The following NALF1 variants were observed in gnomAD, a reference collection of about 807,000 sequenced individuals.
NALF1 encodes family with sequence similarity 155 member A.
In NALF1, 3 loss-of-function variants were observed where a neutral mutation model predicts 48.4. The ratio of observed to expected loss-of-function variants is 0.06; its 90% CI spans 0.03 to 0.16. The LOEUF (loss-of-function observed/expected upper bound fraction) is 0.16, where lower values mean the gene tolerates loss of function less well. Ranked by LOEUF, NALF1 falls within the 10% of genes least tolerant of loss-of-function variation. NALF1 has a pLI of 1.00. For synonymous variants in NALF1, 262 were observed against 245.7 expected, an observed-to-expected ratio of 1.07 and a Z score of -0.62; for missense variants, 526 against 571.5, an observed-to-expected ratio of 0.92 and a Z score of 0.81.
rs560743047 is a variant in NALF1, at chr13:107,816,895, A to T, written c.915+48787T>A. ...AAAACAAAACGTAGGTCTGCCAATCAAGCAAATACATTCACAAGTAGCACT... is the reference window on the plus strand; with the variant it reads ...AAAACAAAACGTAGGTCTGCCAATCTAGCAAATACATTCACAAGTAGCACT... On this transcript the variant is annotated intron_variant, in intron 1 of 2. Coordinates refer to ENST00000375915, the MANE Select transcript of NALF1 (RefSeq NM_001080396.3). Among the ~76,000 whole-genome samples, 4 of 152,340 alleles carry T rather than the reference A, an allele frequency of 2.6e-5. No individual in the cohort carries two copies. In the South Asian group the frequency reaches 8.3e-4, roughly 32 times the overall value.
At chr13:107,204,771 A>G (rs757482325) in intron 2 of NALF1, among the ~76,000 whole-genome samples, 16 of 152,070 alleles carry the variant, frequency 1.1e-4, no homozygotes, top group Non-Finnish European at 2.2e-4. Context: ...TTTGCCTTAA[A>G]CTTTGACATA....
chr13:107,673,343 T>C (rs944693005), intron 1 of NALF1, among the ~76,000 whole-genome samples: 1 of 152,136 alleles, frequency 6.6e-6, no homozygotes, highest in Non-Finnish European at 1.5e-5. Flanking sequence ...TAGCCAGGGA[T>C]TGGAGCTTGT....
chr13:107,803,449 A>G (rs1878681966), intron 1 of NALF1, among the ~76,000 whole-genome samples: 1 of 152,166 alleles, frequency 6.6e-6, no homozygotes, highest in Non-Finnish European at 1.5e-5. Flanking sequence ...CCTAACATGG[A>G]TTAAGAACCT....
intron 1 of NALF1, among the ~76,000 whole-genome samples, chr13:107,619,153 C>T (rs933554071): frequency 1.3e-5 from 2 of 152,202 alleles, no homozygotes; most frequent in African/African-American, 4.8e-5. Flanking sequence ...GCCGTGGTGT[C>T]TGGTGAACAC....
At chr13:107,521,664 C>T (rs1005117985) in intron 1 of NALF1, among the ~76,000 whole-genome samples, 2 of 151,952 alleles carry the variant, frequency 1.3e-5, no homozygotes, top group Non-Finnish European at 2.9e-5. Flanking sequence ...ACAGGTATAT[C>T]GTATGTGCTT....
At chr13:107,267,113 C>T (rs998242483) in intron 1 of NALF1, among the ~76,000 whole-genome samples, 1 of 152,234 alleles carries the variant, frequency 6.6e-6, no homozygotes, top group Non-Finnish European at 1.5e-5. Flanking sequence ...GCACTTGGCT[C>T]TTGGCCAAGA....
chr13:107,390,914 C>G (rs140878685), intron 1 of NALF1, among the ~76,000 whole-genome samples: 1 of 126,800 alleles, frequency 7.9e-6, no homozygotes, highest in South Asian at 2.3e-4. Flanking sequence ...ATAATAGAGG[C>G]TGTTTTAGAA....
At position 107,569,471 on chromosome 13, in the gene NALF1, C is replaced by CA. The variant is rs1259875837; in HGVS notation, c.915+296210dup. Among the ~76,000 whole-genome samples, 400 of 139,200 alleles carry CA rather than the reference C, an allele frequency of 2.9e-3. 1 individual carries two copies. The highest frequency in any genetic ancestry group is 0.015 in the Middle Eastern group (4 of 270). 91.3% of individuals were successfully genotyped at this position (139,200 alleles called of 152,430 possible). A position where few individuals can be genotyped will look rare whatever the true frequency, so the allele number is the denominator to read the frequency against. ...TGGGCGACACAGCGAGACTCCGTCT[C>CA]AAAAAAAAAAAGAAAAAAAGGGCTA... On this transcript the variant is annotated intron_variant, in intron 1 of 2. Transcript: ENST00000375915.
At chr13:107,509,426 G>A (rs964448704) in intron 1 of NALF1, among the ~76,000 whole-genome samples, 2 of 152,070 alleles carry the variant, frequency 1.3e-5, no homozygotes, top group African/African-American at 4.8e-5. Flanking sequence ...AATGATTTTT[G>A]TAGCAAAAGA....
chr13:107,503,204 T>C (rs1392752168), intron 1 of NALF1, among the ~76,000 whole-genome samples: 1 of 152,230 alleles, frequency 6.6e-6, no homozygotes, highest in African/African-American at 2.4e-5. Context: ...ACTGTGGCCT[T>C]TGCAGAAGAC....
intron 1 of NALF1, among the ~76,000 whole-genome samples, chr13:107,291,784 T>C (rs1881626222): frequency 6.6e-6 from 1 of 152,226 alleles, no homozygotes; most frequent in African/African-American, 2.4e-5. Context: ...TTTTATGCTT[T>C]GAATGAAAAG....
At chr13:107,777,232 T>C (rs1877761188) in intron 1 of NALF1, among the ~76,000 whole-genome samples, 2 of 152,142 alleles carry the variant, frequency 1.3e-5, no homozygotes, top group African/African-American at 4.8e-5. Context: ...ACCTATTTTA[T>C]AGGTAAGAAA....
intron 1 of NALF1, among the ~76,000 whole-genome samples, chr13:107,548,165 C>A (rs1877184617): frequency 2.0e-5 from 3 of 151,950 alleles, no homozygotes. Flanking sequence ...TCTGTTGTTC[C>A]CTTGTGTTCA....
At chr13:107,768,291 C>T (rs1239053452) in intron 1 of NALF1, among the ~76,000 whole-genome samples, 2 of 152,242 alleles carry the variant, frequency 1.3e-5, no homozygotes, top group African/African-American at 4.8e-5. Context: ...CTCTGACATG[C>T]TAAATACTGT....
intron 1 of NALF1, among the ~76,000 whole-genome samples, chr13:107,256,357 G>A (rs1880814317): frequency 6.6e-6 from 1 of 152,094 alleles, no homozygotes; most frequent in Admixed American, 6.6e-5. Flanking sequence ...CAGCCATAAC[G>A]GGAGTATTTA....
At chr13:107,830,105 T>C (rs1246206010) in intron 1 of NALF1, among the ~76,000 whole-genome samples, 2 of 152,114 alleles carry the variant, frequency 1.3e-5, no homozygotes, top group Non-Finnish European at 2.9e-5. Flanking sequence ...CTGAGAACAA[T>C]TCGGCCCAGC....
intron 1 of NALF1, among the ~76,000 whole-genome samples, chr13:107,440,659 G>T (rs1442208345): frequency 1.3e-5 from 2 of 152,156 alleles, no homozygotes; most frequent in East Asian, 3.9e-4. Context: ...TGCTGATTCT[G>T]CACGTGTTTT....
intron 1 of NALF1, among the ~76,000 whole-genome samples, chr13:107,313,231 A>T (rs1882081392): frequency 6.6e-6 from 1 of 150,396 alleles, no homozygotes; most frequent in Non-Finnish European, 1.5e-5. Flanking sequence ...AGGAACAGGA[A>T]TTTTTTTTTT....
chr13:107,863,820 T>C (rs1356002462), intron 1 of NALF1, among the ~76,000 whole-genome samples: 1 of 152,192 alleles, frequency 6.6e-6, no homozygotes, highest in Non-Finnish European at 1.5e-5. Context: ...ATATATTTAC[T>C]TGAACATTTA....
Sources: gnomAD v4.1 joint callset for allele counts (sites outside exome capture counted in the v4.1 genomes callset) on GRCh38, gnomAD v4.1.1 for gene constraint, MANE v1.5 for transcripts, NCBI Gene and HGNC (gene_info 2026-07-23, HGNC 2026-07-21) for gene names.